The following C3orf20 variants were observed in gnomAD, a reference collection of about 807,000 sequenced individuals.
C3orf20 encodes the protein uncharacterized protein C3orf20.
A neutral mutation model predicts 88.3 loss-of-function variants in C3orf20; 76 were observed. The observed-to-expected ratio is 0.86, with a 90% CI of 0.72 to 1.04. C3orf20 has a LOEUF of 1.04. Among genes scored for constraint, C3orf20 ranks in the 50% least tolerant of loss-of-function variants. The pLI, the probability that C3orf20 is intolerant of heterozygous loss-of-function variation, is 0.00. For synonymous variants in C3orf20, 436 were observed against 437.4 expected (o/e 1.00, Z 0.04); for missense variants, 1,056 against 1,123.3 (o/e 0.94, Z 0.86).
intron 1 of C3orf20, among the ~76,000 whole-genome samples, chr3:14,675,713 A>G (rs1195416851): frequency 6.6e-6 from 1 of 151,294 alleles, no homozygotes; most frequent in African/African-American, 2.4e-5. Flanking sequence ...TTATTTATTT[A>G]TTTTTGGAGA....
chr3:14,687,174 A>T (rs1349799840), intron 4 of C3orf20, among the ~76,000 whole-genome samples: 1 of 152,230 alleles, frequency 6.6e-6, no homozygotes, highest in East Asian at 1.9e-4. Context: ...GAAGGGCCTT[A>T]TGTTTTATTG....
At chr3:14,731,938 G>A (rs745517431) in intron 12 of C3orf20, among the ~76,000 whole-genome samples, 9 of 152,184 alleles carry the variant, frequency 5.9e-5, no homozygotes, top group Non-Finnish European at 1.0e-4. Flanking sequence ...TTCTGATTAT[G>A]ATAAAACTGC....
chr3:14,714,006 G>C lies in C3orf20; in HGVS notation c.1161-1G>C, dbSNP rs2033846436. On this transcript the variant is annotated splice_acceptor_variant, in intron 7 of 16. Transcript: ENST00000253697. LOFTEE classifies it high-confidence loss of function. ...TAGTTCTACCTGAACATTTCTGCCAGCTATCCCTCTGGAAACGTCGCTGTA... is the reference window on the plus strand; with the variant it reads ...TAGTTCTACCTGAACATTTCTGCCACCTATCCCTCTGGAAACGTCGCTGTA... The C allele has an allele frequency of 6.2e-7, 1 of 1,613,900 alleles. No individual in the cohort carries two copies. Among genetic ancestry groups the C allele is most frequent in the Non-Finnish European group, 8.5e-7 (1 of 1,180,000 alleles).
At chr3:14,692,208 G>A (rs527884143) in intron 5 of C3orf20, among the ~76,000 whole-genome samples, 99 of 152,296 alleles carry the variant, frequency 6.5e-4, no homozygotes, top group African/African-American at 2.3e-3. Flanking sequence ...CCCTAAACAT[G>A]GGAGTGCAGA....
At chr3:14,759,802 G>A (rs1382286870) in intron 13 of C3orf20, 89 bp from the exon 14 acceptor site, 3 of 1,104,548 alleles carry the variant, frequency 2.7e-6, no homozygotes, top group Admixed American at 3.8e-5. Flanking sequence ...CCAGGACTCA[G>A]GGGGAACCAG....
chr3:14,761,455 T>G lies in C3orf20; in HGVS notation c.2353-18T>G, dbSNP rs1361357759. The G allele has an allele frequency of 1.2e-6, 2 of 1,613,936 alleles. No individual in the cohort carries two copies. The highest frequency in any genetic ancestry group is 2.7e-5 in the African/African-American group (2 of 74,930). ...CTGATGTGCTGAGGATCTCTCCTCA[T>G]TTCCTTCCTGTCAACAGATGTTTGC... On this transcript the variant is annotated intron_variant, in intron 14 of 16. Coordinates refer to ENST00000253697, the MANE Select transcript of C3orf20 (RefSeq NM_032137.5).
chr3:14,762,485 C>T (rs557150742), intron 15 of C3orf20, among the ~76,000 whole-genome samples: 22 of 152,182 alleles, frequency 1.4e-4, no homozygotes, highest in Admixed American at 2.6e-4. Context: ...CTGGGCAGCA[C>T]GGTGCAGTGA....
intron 4 of C3orf20, among the ~76,000 whole-genome samples, chr3:14,684,837 C>G (rs746080898): frequency 2.0e-5 from 3 of 152,160 alleles, no homozygotes; most frequent in Non-Finnish European, 2.9e-5. Context: ...ACAGGCTGCA[C>G]TCGAGTCATA....
At chr3:14,700,495 G>T (rs73135199) in intron 5 of C3orf20, among the ~76,000 whole-genome samples, 5,999 of 152,218 alleles carry the variant, frequency 0.039, 165 homozygotes, top group African/African-American at 0.087. Flanking sequence ...ATGCTTTCAG[G>T]CATTTACAAG....
At position 14,701,977 on chromosome 3, in the gene C3orf20, G is replaced by A. The variant is rs2033282248; in HGVS notation, c.746-1153G>A. ...CCCAATATTCTGACATTTAAAGGAT[G>A]CTGCTCTCCTGCTCTTCTTGGCCCC... On this transcript the variant is annotated intron_variant, in intron 5 of 16. Coordinates refer to ENST00000253697, the MANE Select transcript of C3orf20 (RefSeq NM_032137.5). This position sits in a 1 kb window ranked among gnomAD's most constrained non-coding sequence, Gnocchi z 4.6. Among the ~76,000 whole-genome samples, 1 of 152,128 alleles carries A rather than the reference G, an allele frequency of 6.6e-6. No homozygotes were observed. The highest frequency in any genetic ancestry group is 1.9e-4 in the East Asian group (1 of 5,196).
chr3:14,758,087 C>A (rs114924104), intron 13 of C3orf20, among the ~76,000 whole-genome samples: 1 of 152,130 alleles, frequency 6.6e-6, no homozygotes, highest in Non-Finnish European at 1.5e-5. Context: ...GGGCATGGAC[C>A]GGGCCCTGGG....
At chr3:14,715,445 C>G (rs371791049) in intron 9 of C3orf20, 36 bp downstream of exon 9, 1 of 1,591,026 alleles carries the variant, frequency 6.3e-7, no homozygotes, top group East Asian at 2.2e-5. Context: ...TGGCAGTGAG[C>G]ACCACTGTCA....
At chr3:14,721,983 A>C in intron 10 of C3orf20, 199 bp downstream of exon 10, 5 of 603,850 alleles carry the variant, frequency 8.3e-6, no homozygotes, top group Non-Finnish European at 1.4e-5. Context: ...AGGGTCTTCC[A>C]GTTGTAAGTG....
Position 14,704,384 on chromosome 3 carries a change from T to C in C3orf20, c.926T>C (p.Met309Thr), listed in dbSNP as rs1351413912. ...TWKGRNISYPMILRNYKAKMP... is the reference protein window; with the variant it reads ...TWKGRNISYPTILRNYKAKMP... The stretch of plus-strand genomic sequence containing the variant: ...AAAGGGAGGAATATCTCCTACCCCA[T>C]GATCTTACGAAACTACAAGGCAAAG... The change falls in exon 7 of 17, where the codon ATG becomes ACG. Residue 309 changes from methionine (M) to threonine (T), a missense_variant. By Grantham distance (81) the Met-to-Thr change is moderately conservative. Transcript: ENST00000253697. 12 of 1,614,140 alleles carry C rather than the reference T, an allele frequency of 7.4e-6. No homozygotes were observed. Among genetic ancestry groups the C allele is most frequent in the Non-Finnish European group, 9.3e-6 (11 of 1,180,028 alleles).
At chr3:14,694,533 G>A (rs549963442) in intron 5 of C3orf20, among the ~76,000 whole-genome samples, 1 of 152,212 alleles carries the variant, frequency 6.6e-6, no homozygotes, top group African/African-American at 2.4e-5. Context: ...CAGTTGTAAT[G>A]TCTCCTGTTT....
chr3:14,737,517 A>G (rs2034755384), intron 12 of C3orf20, among the ~76,000 whole-genome samples: 1 of 152,244 alleles, frequency 6.6e-6, no homozygotes, highest in African/African-American at 2.4e-5. Context: ...CACAATGTAC[A>G]TACCATAATT....
intron 7 of C3orf20, among the ~76,000 whole-genome samples, chr3:14,708,959 T>C (rs1054502009): frequency 9.2e-5 from 14 of 152,066 alleles, no homozygotes; most frequent in African/African-American, 3.4e-4. Flanking sequence ...TATTAATTCA[T>C]CCAACCCATG....
intron 5 of C3orf20, among the ~76,000 whole-genome samples, chr3:14,700,658 G>A (rs2033219223): frequency 6.6e-6 from 1 of 152,200 alleles, no homozygotes; most frequent in Non-Finnish European, 1.5e-5. Context: ...CTGCATTATA[G>A]GGTCTTAATC....
chr3:14,679,688 T>C (rs532158590), intron 1 of C3orf20, among the ~76,000 whole-genome samples: 3 of 152,332 alleles, frequency 2.0e-5, no homozygotes, highest in Non-Finnish European at 4.4e-5. Flanking sequence ...GGCAGTCTCC[T>C]TCAAACAGAT....
Sources: allele counts gnomAD v4.1 joint callset (sites outside exome capture counted in the v4.1 genomes callset), GRCh38; gene constraint gnomAD v4.1.1; non-coding constraint Gnocchi (gnomAD v3.1); transcripts MANE v1.5; gene names NCBI Gene and HGNC (gene_info 2026-07-23, HGNC 2026-07-21).